ZNF365: variants seen among roughly 807,000 people sequenced by gnomAD.
The protein encoded by ZNF365 is zinc finger protein 365, also known as protein ZNF365.
A neutral mutation model predicts 35.0 loss-of-function variants in ZNF365; 22 were observed. The ratio of observed to expected loss-of-function variants is 0.63; its 90% CI spans 0.45 to 0.90. The LOEUF is 0.90. Ranked by LOEUF, ZNF365 falls within the 40% of genes least tolerant of loss-of-function variation. The probability of loss-of-function intolerance (pLI) is 0.00; values close to 1 mark genes in which losing one functional copy is unlikely to be tolerated. For missense variants in ZNF365, 448 were observed against 500.3 expected (o/e 0.90, Z 1.00); for synonymous variants, 188 against 196.2 (o/e 0.96, Z 0.35).
intron 4 of ZNF365, among the ~76,000 whole-genome samples, chr10:62,475,777 G>T (rs1841120738): frequency 6.6e-6 from 1 of 152,180 alleles, no homozygotes; most frequent in Non-Finnish European, 1.5e-5. Context: ...GAAGAAGCTG[G>T]TTTTTCTGAG....
chr10:62,384,992 G>C (rs915582140), intron 2 of ZNF365, among the ~76,000 whole-genome samples: 3 of 152,180 alleles, frequency 2.0e-5, no homozygotes, highest in Non-Finnish European at 4.4e-5. Context: ...ATGAACGGTG[G>C]ATCTGAGATG....
At chr10:62,426,520 A>G (rs1459819335) in intron 3 of ZNF365, among the ~76,000 whole-genome samples, 1 of 152,038 alleles carries the variant, frequency 6.6e-6, no homozygotes, top group East Asian at 1.9e-4. Flanking sequence ...GAGGCTCTGG[A>G]AACAAAGTTT....
intron 2 of ZNF365, among the ~76,000 whole-genome samples, chr10:62,384,770 A>G (rs539871404): frequency 1.2e-4 from 18 of 152,378 alleles, no homozygotes; most frequent in African/African-American, 4.3e-4. Flanking sequence ...ATCTGAAACC[A>G]TATCAGTGAA....
chr10:62,461,788 G>GA (rs530697284), intron 4 of ZNF365, among the ~76,000 whole-genome samples: 8 of 151,908 alleles, frequency 5.3e-5, no homozygotes, highest in African/African-American at 1.7e-4. Context: ...ACACAAAAGG[G>GA]AAAAAAATCT....
intron 3 of ZNF365, among the ~76,000 whole-genome samples, chr10:62,456,210 C>A (rs1589463732): frequency 6.6e-6 from 1 of 152,020 alleles, no homozygotes; most frequent in Admixed American, 6.6e-5. Flanking sequence ...AGTGGCCACC[C>A]ATGGGACACC....
chr10:62,440,782 A>T (rs539673720), intron 3 of ZNF365, among the ~76,000 whole-genome samples: 3 of 152,342 alleles, frequency 2.0e-5, no homozygotes, highest in African/African-American at 2.4e-5. Flanking sequence ...GTCTGAAAGT[A>T]CACCCAGGAA....
intron 4 of ZNF365, among the ~76,000 whole-genome samples, chr10:62,466,819 T>G (rs1840951350): frequency 6.6e-6 from 1 of 152,132 alleles, no homozygotes; most frequent in Non-Finnish European, 1.5e-5. Context: ...TTTTATTTTT[T>G]GGGACAGGGT....
intron 4 of ZNF365, among the ~76,000 whole-genome samples, chr10:62,473,024 C>A (rs1841069601): frequency 6.6e-6 from 1 of 152,174 alleles, no homozygotes; most frequent in Admixed American, 6.5e-5. Context: ...ATGATCATCT[C>A]CAATTTAGGT....
chr10:62,441,041 A>G (rs1265598855), intron 3 of ZNF365, among the ~76,000 whole-genome samples: 1 of 152,158 alleles, frequency 6.6e-6, no homozygotes, highest in African/African-American at 2.4e-5. Context: ...ATATTCACTT[A>G]CTCATAATTG....
chr10:62,445,420 C>T (rs1229984408), intron 3 of ZNF365, among the ~76,000 whole-genome samples: 1 of 151,970 alleles, frequency 6.6e-6, no homozygotes, highest in Non-Finnish European at 1.5e-5. Context: ...TATTTCTCCA[C>T]ATCCTCTCCA....
chr10:62,411,792 C>T (rs1474268508), intron 3 of ZNF365, among the ~76,000 whole-genome samples: 1 of 151,754 alleles, frequency 6.6e-6, no homozygotes, highest in Non-Finnish European at 1.5e-5. Flanking sequence ...AATTTTAAAA[C>T]TAATGAGAAC....
At chr10:62,381,509 G>A (rs138657628) in intron 2 of ZNF365, among the ~76,000 whole-genome samples, 29 of 151,970 alleles carry the variant, frequency 1.9e-4, no homozygotes, top group African/African-American at 6.3e-4. Context: ...CCCCCAAAGC[G>A]TCAAGACTTA....
intron 3 of ZNF365, among the ~76,000 whole-genome samples, chr10:62,418,760 G>T (rs1413921082): frequency 6.6e-6 from 1 of 152,012 alleles, no homozygotes; most frequent in Admixed American, 6.5e-5. Flanking sequence ...TCTCTCCCTA[G>T]TATAAAAGGG....
chr10:62,472,887 G>A (rs1354456807), intron 4 of ZNF365, among the ~76,000 whole-genome samples: 1 of 152,118 alleles, frequency 6.6e-6, no homozygotes, highest in African/African-American at 2.4e-5. Flanking sequence ...GTATAGAATA[G>A]CACAAAAACA....
chr10:62,374,637 G>T (rs1298295518), intron 1 of ZNF365, among the ~76,000 whole-genome samples, 179 bp downstream of exon 1: 1 of 152,160 alleles, frequency 6.6e-6, no homozygotes, highest in Non-Finnish European at 1.5e-5. Flanking sequence ...GCACCCGTGG[G>T]CTGGCACGCA....
chr10:62,393,883 C>T (rs28710356), intron 3 of ZNF365, among the ~76,000 whole-genome samples: 4,116 of 152,106 alleles, frequency 0.027, 181 homozygotes, highest in African/African-American at 0.093. Context: ...AGGGAGGATA[C>T]GTTGCCCTAG....
Position 62,376,925 on chromosome 10 carries a change from T to C in ZNF365, c.732T>C (p.Leu244=). The part of the protein sequence containing the change: ...QRLTESEEEL[L]RKEEEVVTFN... ...TGACGGAATCTGAGGAGGAGCTTCTTAGGAAAGAAGAGTAAGTGTTGCTGA... is the reference window on the plus strand; with the variant it reads ...TGACGGAATCTGAGGAGGAGCTTCTCAGGAAAGAAGAGTAAGTGTTGCTGA... The change falls in exon 2 of 5, where the codon CTT becomes CTC. Residue 244 remains leucine, a synonymous_variant. Transcript: ENST00000395254. 6.2e-7 allele frequency: 1 copy of C among 1,608,842 alleles called. No individual in the cohort carries two copies. The highest frequency in any genetic ancestry group is 8.5e-7 in the Non-Finnish European group (1 of 1,178,108).
chr10:62,418,404 A>G (rs1840113618), intron 3 of ZNF365, among the ~76,000 whole-genome samples: 1 of 152,056 alleles, frequency 6.6e-6, no homozygotes, highest in South Asian at 2.1e-4. Flanking sequence ...TGACCAAACC[A>G]GAATGGAGTT....
chr10:62,415,223 A>AT (rs201350861), intron 3 of ZNF365, among the ~76,000 whole-genome samples: 12 of 150,502 alleles, frequency 8.0e-5, no homozygotes, highest in East Asian at 7.8e-4. Flanking sequence ...CATGTGGAAA[A>AT]TTTTTTTTTT....
Sources: gnomAD v4.1 joint callset for allele counts (sites outside exome capture counted in the v4.1 genomes callset) on GRCh38, gnomAD v4.1.1 for gene constraint, MANE v1.5 for transcripts, NCBI Gene and HGNC (gene_info 2026-07-23, HGNC 2026-07-21) for gene names.